HIVEP3: variants seen among roughly 807,000 people sequenced by gnomAD.
HIVEP3 encodes transcription factor HIVEP3.
In HIVEP3, 49 loss-of-function variants were observed where a neutral mutation model predicts 152.8. That is an observed-to-expected ratio of 0.32 (90% CI 0.26 to 0.41). The LOEUF is 0.41. Among genes scored for constraint, HIVEP3 ranks in the 10% least tolerant of loss-of-function variants. The probability of loss-of-function intolerance (pLI) is 1.00; values close to 1 mark genes in which losing one functional copy is unlikely to be tolerated. For synonymous variants in HIVEP3, 1,269 were observed against 1,289.0 expected (o/e 0.98, Z 0.33); for missense variants, 2,790 against 3,103.3 (o/e 0.90, Z 2.40).
intron 1 of HIVEP3, among the ~76,000 whole-genome samples, chr1:42,020,366 T>C (rs1645546864): frequency 6.6e-6 from 1 of 152,158 alleles, no homozygotes; most frequent in African/African-American, 2.4e-5. Flanking sequence ...CGAAGGTCTT[T>C]AATAATGAAT....
At chr1:41,655,129 C>A (rs192072828) in intron 2 of HIVEP3, among the ~76,000 whole-genome samples, 54 of 152,168 alleles carry the variant, frequency 3.5e-4, no homozygotes, top group Non-Finnish European at 6.5e-4. Flanking sequence ...GCTGTCTGAC[C>A]GAGCCGACCC....
At chr1:41,926,921 AC>A (rs1029264054) in intron 1 of HIVEP3, among the ~76,000 whole-genome samples, 3 of 152,040 alleles carry the variant, frequency 2.0e-5, no homozygotes, top group Admixed American at 6.6e-5. Context: ...AACTCTGACA[AC>A]CCTGATAAGC....
intron 4 of HIVEP3, among the ~76,000 whole-genome samples, chr1:41,578,837 G>A (rs1644360444): frequency 6.6e-6 from 1 of 152,154 alleles, no homozygotes; most frequent in African/African-American, 2.4e-5. Flanking sequence ...AGGTGGAGGT[G>A]AGCAGTGACC....
intron 1 of HIVEP3, among the ~76,000 whole-genome samples, chr1:41,826,946 A>C (rs1372374135): frequency 6.6e-6 from 1 of 152,156 alleles, no homozygotes; most frequent in Non-Finnish European, 1.5e-5. Context: ...CAGATGAAGA[A>C]ACTGAAGCTC....
chr1:41,638,509 CTG>C (rs1645322253), intron 2 of HIVEP3, among the ~76,000 whole-genome samples: 1 of 152,196 alleles, frequency 6.6e-6, no homozygotes, highest in Non-Finnish European at 1.5e-5. Flanking sequence ...TAACACTAAA[CTG>C]TACATTTAAA....
At position 41,545,037 on chromosome 1, in the gene HIVEP3, A is replaced by ACC. The variant is rs1558047542; in HGVS notation, c.5208-20128_5208-20127insGG. On this transcript the variant is annotated intron_variant, in intron 5 of 8. Transcript: ENST00000372583. The stretch of plus-strand genomic sequence containing the variant: ...CACCACTACCACCACCACCACCACC[A>ACC]ATACCACTACCACCACCATCACTAC... 4.0e-4 allele frequency among the ~76,000 whole-genome samples: 25 copies of ACC among 63,116 alleles called. 5 individuals carry two copies. The highest frequency in any genetic ancestry group is 6.6e-4 in the Admixed American group (5 of 7,608). The allele number at this position is 63,116 out of a possible 152,430, so 41.4% of individuals were successfully genotyped here.
intron 1 of HIVEP3, among the ~76,000 whole-genome samples, chr1:41,932,110 A>G (rs765063585): frequency 1.5e-4 from 23 of 151,886 alleles, no homozygotes; most frequent in Non-Finnish European, 4.4e-5. Flanking sequence ...AGGTTAAGAA[A>G]ATTGCCTTCT....
intron 1 of HIVEP3, among the ~76,000 whole-genome samples, chr1:41,930,428 C>A (rs1484702341): frequency 6.6e-6 from 1 of 152,156 alleles, no homozygotes; most frequent in Non-Finnish European, 1.5e-5. Context: ...ATTTAAGATT[C>A]ATCCATGATG....
In HIVEP3 at chr1:41,582,547, G is replaced by A. The variant is rs755201711; in HGVS notation, c.2251C>T (p.Leu751=). 1.2e-6 allele frequency: 2 copies of A among 1,611,744 alleles called. No homozygotes were observed. The highest frequency in any genetic ancestry group is 3.3e-5 in the Admixed American group (2 of 59,844). ...TCTGCTGGTGACTTGGTGGACTCCA[G>A]GGGAAGGTTCCGAGCAGCATCAGAT... The part of the protein sequence containing the change: ...GPSDAARNLP[L]ESTKSPAEPS... Residue 751 remains leucine, a synonymous_variant, in exon 4 of 9, where the codon CTG becomes TTG. Coordinates refer to ENST00000372583, the MANE Select transcript of HIVEP3 (RefSeq NM_024503.5). The surrounding 1 kb of genome is among the most constrained non-coding windows in gnomAD (Gnocchi z 4.7).
At chr1:41,950,589 T>C (rs1645100976) in intron 1 of HIVEP3, among the ~76,000 whole-genome samples, 1 of 152,210 alleles carries the variant, frequency 6.6e-6, no homozygotes, top group South Asian at 2.1e-4. Flanking sequence ...TTCCCCTCTA[T>C]TCTCACAGGA....
At chr1:41,965,856 T>G (rs1253084908) in intron 1 of HIVEP3, among the ~76,000 whole-genome samples, 2 of 152,096 alleles carry the variant, frequency 1.3e-5, no homozygotes, top group Admixed American at 6.5e-5. Flanking sequence ...CAGGCCAACA[T>G]TCAAATTCAG....
rs1274575187 is a variant in HIVEP3, at chr1:41,584,944, T to G, written c.-147A>C. 4 of 657,066 alleles carry G rather than the reference T, an allele frequency of 6.1e-6. No individual in the cohort carries two copies. In the East Asian group the frequency reaches 8.9e-5, roughly 15 times the overall value. 40.7% of individuals were successfully genotyped at this position (657,066 alleles called of 1,614,324 possible). ...CAAACCCAAGACGGCTTTGGGAGTTTTTTGCAAGTGTCACTGGCTGTGAGT... is the reference window on the plus strand; with the variant it reads ...CAAACCCAAGACGGCTTTGGGAGTTGTTTGCAAGTGTCACTGGCTGTGAGT... On this transcript the variant is annotated 5_prime_UTR_variant, in exon 4 of 9. Transcript: ENST00000372583. This position sits in a 1 kb window ranked among gnomAD's most constrained non-coding sequence, Gnocchi z 5.2.
upstream of HIVEP3, among the ~76,000 whole-genome samples, chr1:41,921,944 A>C (rs974520550): frequency 2.0e-5 from 3 of 152,094 alleles, no homozygotes; most frequent in Admixed American, 6.6e-5. Flanking sequence ...CACACACCAC[A>C]TGCACACAAA....
intron 1 of HIVEP3, among the ~76,000 whole-genome samples, chr1:41,766,068 T>C (rs1338898254): frequency 3.3e-5 from 5 of 152,202 alleles, no homozygotes; most frequent in Non-Finnish European, 5.9e-5. Context: ...TCACATCCTC[T>C]GATGAGTCCT....
At chr1:41,513,789 C>T in intron 7 of HIVEP3, 39 bp from the exon 8 acceptor site, 1 of 1,488,352 alleles carries the variant, frequency 6.7e-7, no homozygotes. Context: ...CACAGTTGGG[C>T]CTTGGCCCCA....
At chr1:41,933,815 A>G (rs1271255566) in intron 1 of HIVEP3, among the ~76,000 whole-genome samples, 2 of 151,858 alleles carry the variant, frequency 1.3e-5, no homozygotes, top group African/African-American at 4.8e-5. Context: ...GTTCTGATTA[A>G]GCTGTAGTCT....
At position 41,510,600 on chromosome 1, in the gene HIVEP3, G is replaced by A. The variant is rs764964053; in HGVS notation, c.7072C>T (p.Leu2358=). 6.4e-7 allele frequency: 1 copy of A among 1,556,112 alleles called. No individual in the cohort carries two copies. Residue 2358 remains leucine, a synonymous_variant, in exon 9 of 9, where the codon CTG becomes TTG. Transcript: ENST00000372583. ...PLDRSSSVGC[L]AEASARFPAR... is the part of the protein sequence containing the mutation. ...GGGAAGCGGGCAGAGGCCTCTGCCA[G>A]GCAGCCCACAGAGCTGCTGCGGTCC...
chr1:41,819,852 A>G (rs1029962009), intron 1 of HIVEP3, among the ~76,000 whole-genome samples: 2 of 152,178 alleles, frequency 1.3e-5, no homozygotes, highest in Non-Finnish European at 2.9e-5. Context: ...AATTGTTAAG[A>G]GTCAGGATTT....
At chr1:41,862,938 A>G (rs1458050961) in intron 1 of HIVEP3, among the ~76,000 whole-genome samples, 1 of 152,228 alleles carries the variant, frequency 6.6e-6, no homozygotes, top group Non-Finnish European at 1.5e-5. Flanking sequence ...AGCTGCAGTT[A>G]TTCTGAATGG....
Sources: gnomAD v4.1 joint callset for allele counts (sites outside exome capture counted in the v4.1 genomes callset) on GRCh38, gnomAD v4.1.1 for gene constraint, Gnocchi (gnomAD v3.1) non-coding constraint, MANE v1.5 for transcripts, NCBI Gene and HGNC (gene_info 2026-07-23, HGNC 2026-07-21) for gene names.